RFWD3: variants seen among roughly 807,000 people sequenced by gnomAD.
RFWD3 encodes ring finger and WD repeat domain 3.
A neutral mutation model predicts 87.7 loss-of-function variants in RFWD3; 65 were observed. The observed-to-expected ratio is 0.74, with a 90% CI of 0.61 to 0.91. The LOEUF is 0.91. Among genes scored for constraint, RFWD3 ranks in the 40% least tolerant of loss-of-function variants. The pLI, the probability that RFWD3 is intolerant of heterozygous loss-of-function variation, is 0.00. For missense variants in RFWD3, 1,078 were observed against 938.5 expected (o/e 1.15, Z -1.94); for synonymous variants, 433 against 352.8 (o/e 1.23, Z -2.55).
chr16:74,639,906 T>C (rs543601185), intron 6 of RFWD3, among the ~76,000 whole-genome samples: 2 of 152,298 alleles, frequency 1.3e-5, no homozygotes, highest in South Asian at 2.1e-4. Flanking sequence ...TATCGAGATA[T>C]GTTGAGAGAG....
At chr16:74,641,681 T>G (rs1196358233) in intron 6 of RFWD3, among the ~76,000 whole-genome samples, 2 of 151,884 alleles carry the variant, frequency 1.3e-5, no homozygotes, top group South Asian at 2.1e-4. Context: ...TCTCAGCACT[T>G]TGGGAGTCCA....
At chr16:74,632,755 C>T (rs1029435402) in intron 8 of RFWD3, 82 bp from the exon 9 acceptor site, 43 of 1,299,778 alleles carry the variant, frequency 3.3e-5, no homozygotes, top group African/African-American at 3.1e-4. Context: ...GTAGCTCCTT[C>T]GTCCACCTTT....
chr16:74,650,095 A>G (rs1360140347), intron 3 of RFWD3, among the ~76,000 whole-genome samples: 1 of 152,202 alleles, frequency 6.6e-6, no homozygotes, highest in Non-Finnish European at 1.5e-5. Context: ...ATTTTATGTA[A>G]GTGGAATCAT....
chr16:74,644,657 G>C lies in RFWD3; in HGVS notation c.871C>G (p.Leu291Val), dbSNP rs774978765. The change falls in exon 5 of 13, where the codon CTG (leucine) becomes GTG (valine). Residue 291 changes from leucine to valine, a missense_variant. Coordinates refer to ENST00000361070, the MANE Select transcript of RFWD3 (RefSeq NM_018124.4). ...TCCCCAGCATTGGTCCACTGTTCCA[G>C]ACATATTGTACAAGTGTCCCCTTCT... is the stretch of plus-strand genomic sequence containing the variant. ...EEEGDTCTIC[L>V]EQWTNAGDHR... The C allele has an allele frequency of 6.9e-5, 111 of 1,614,102 alleles. No individual in the cohort carries two copies. Among genetic ancestry groups the C allele is most frequent in the Non-Finnish European group, 9.1e-5 (107 of 1,180,048 alleles).
intron 2 of RFWD3, among the ~76,000 whole-genome samples, chr16:74,659,886 T>C (rs2144343761): frequency 6.6e-6 from 1 of 152,282 alleles, no homozygotes. Flanking sequence ...CATCTCAATA[T>C]TTTCACAGTG....
intron 10 of RFWD3, 30 bp downstream of exon 10, chr16:74,630,751 C>T: frequency 6.5e-7 from 1 of 1,550,132 alleles, no homozygotes; most frequent in African/African-American, 1.4e-5. Context: ...AAAGCTGCTA[C>T]CACCAGGAAA....
chr16:74,665,651 G>A (rs890257722), intron 1 of RFWD3, among the ~76,000 whole-genome samples: 1 of 152,168 alleles, frequency 6.6e-6, no homozygotes, highest in Non-Finnish European at 1.5e-5. Context: ...CCCAGCTATT[G>A]CGGGAAGCCG....
At chr16:74,632,110 G>C (rs1241668681) in intron 9 of RFWD3, among the ~76,000 whole-genome samples, 1 of 151,420 alleles carries the variant, frequency 6.6e-6, no homozygotes, top group African/African-American at 2.4e-5. Context: ...GCTAAGGTCG[G>C]CTGGGCGCAG....
chr16:74,635,330 G>A (rs1241795651), intron 8 of RFWD3, among the ~76,000 whole-genome samples: 1 of 151,930 alleles, frequency 6.6e-6, no homozygotes, highest in South Asian at 2.1e-4. Flanking sequence ...AACTAGGCAT[G>A]GTGGCATGCA....
At chr16:74,626,993 T>A (rs891635094) in intron 11 of RFWD3, among the ~76,000 whole-genome samples, 3 of 152,166 alleles carry the variant, frequency 2.0e-5, no homozygotes, top group African/African-American at 7.2e-5. Flanking sequence ...AAGGGAAACA[T>A]GTATCTGAAA....
rs1233090340 is a variant in RFWD3 at position 74,626,474 on chromosome 16, A to T, written c.2050T>A (p.Cys684Ser). The change falls in exon 12 of 13, where the codon TGC becomes AGC. Residue 684 changes from cysteine to serine, a missense_variant. By Grantham distance (112) the Cys-to-Ser change is moderately radical (BLOSUM62 -1). Transcript: ENST00000361070. ...LDDTGNPICS[C>S]QPVHTFFGGP... ...CCAAAAAATGTATGTACAGGCTGGC[A>T]GGAGCAGATTGGATTTCCAGTGTCA... 1 of 1,614,076 alleles carries T rather than the reference A, an allele frequency of 6.2e-7. No homozygotes were observed. The highest frequency in any genetic ancestry group is 1.3e-5 in the African/African-American group (1 of 74,930).
intron 4 of RFWD3, among the ~76,000 whole-genome samples, chr16:74,646,285 A>T (rs1960134406): frequency 1.3e-5 from 2 of 152,170 alleles, no homozygotes; most frequent in African/African-American, 2.4e-5. Context: ...CTGAGGTAGA[A>T]GCATCACCTG....
intron 2 of RFWD3, among the ~76,000 whole-genome samples, chr16:74,657,155 G>A (rs544845958): frequency 6.6e-6 from 1 of 152,300 alleles, no homozygotes; most frequent in African/African-American, 2.4e-5. Context: ...AATTCTCTGG[G>A]AATGAGGCTT....
At chr16:74,632,435 G>A (rs1054831701) in intron 9 of RFWD3, 88 bp downstream of exon 9, 51 of 1,416,928 alleles carry the variant, frequency 3.6e-5, no homozygotes, top group Non-Finnish European at 4.7e-5. Context: ...ACAAAAAACA[G>A]AGCTAAGGTC....
At chr16:74,653,044 C>A (rs1960684583) in intron 2 of RFWD3, among the ~76,000 whole-genome samples, 1 of 152,120 alleles carries the variant, frequency 6.6e-6, no homozygotes. Flanking sequence ...GACACACACA[C>A]ACAGACACAT....
intron 2 of RFWD3, among the ~76,000 whole-genome samples, chr16:74,660,345 G>A (rs942040516): frequency 2.6e-5 from 4 of 152,202 alleles, no homozygotes; most frequent in East Asian, 1.9e-4. Context: ...GCCAGGTACT[G>A]GGGAAGCTGA....
chr16:74,624,622 CCTG>C (rs1345151534), intron 12 of RFWD3, among the ~76,000 whole-genome samples: 1 of 152,204 alleles, frequency 6.6e-6, no homozygotes, highest in Non-Finnish European at 1.5e-5. Flanking sequence ...GTCTAGAACT[CCTG>C]ACCTCAGGTG....
At chr16:74,639,036 C>CA (rs1254000123) in intron 6 of RFWD3, among the ~76,000 whole-genome samples, 1 of 132,118 alleles carries the variant, frequency 7.6e-6, no homozygotes, top group Non-Finnish European at 1.6e-5. Flanking sequence ...TGAGCTAAGA[C>CA]TTTTTTTTTT....
chr16:74,657,189 T>C (rs920404176), intron 2 of RFWD3, among the ~76,000 whole-genome samples: 6 of 152,206 alleles, frequency 3.9e-5, no homozygotes, highest in Non-Finnish European at 7.3e-5. Context: ...ATCCCTCTGG[T>C]GCCTGCCAGG....
Sources: gnomAD v4.1 joint callset for allele counts (sites outside exome capture counted in the v4.1 genomes callset) on GRCh38, gnomAD v4.1.1 for gene constraint, MANE v1.5 for transcripts, NCBI Gene and HGNC (gene_info 2026-07-23, HGNC 2026-07-21) for gene names.